The following EPN3 variants were observed in gnomAD, a reference collection of about 807,000 sequenced individuals.
EPN3 encodes the protein epsin 3.
EPN3 carries 56 observed loss-of-function variants against 55.5 expected under a neutral mutation model. The observed-to-expected ratio is 1.01, with a 90% confidence interval of 0.81 to 1.26. EPN3 has a LOEUF of 1.26. Ranked by LOEUF, EPN3 falls within the 50% of genes most tolerant of loss-of-function variation. The pLI is 0.00. For synonymous variants in EPN3, 449 were observed against 375.2 expected (o/e 1.20, Z -2.27); for missense variants, 927 against 853.4 (o/e 1.09, Z -1.07).
chr17:50,541,161 T>C (rs1953093098), intron 7 of EPN3, 68 bp from the exon 8 acceptor site: 1 of 1,605,730 alleles, frequency 6.2e-7, no homozygotes, highest in Non-Finnish European at 8.5e-7. Context: ...ACAGCTTCTC[T>C]GGAAAGGGGT....
At position 50,536,898 on chromosome 17, in the gene EPN3, C is replaced by T. The variant is rs146434318; in HGVS notation, c.342C>T (p.Arg114=). The T allele has an allele frequency of 1.4e-5, 23 of 1,614,156 alleles. No homozygotes were observed. The highest frequency in any genetic ancestry group is 7.7e-5 in the South Asian group (7 of 91,088). The stretch of plus-strand genomic sequence containing the variant: ...TCAAGGACTTCCAGTACATCGACCG[C>T]GACGGCAAGGACCAGGGCGTCAACG... The part of the protein sequence containing the change: ...QTLKDFQYID[R]DGKDQGVNVR... Residue 114 remains arginine, a synonymous_variant, in exon 2 of 10, where the codon CGC becomes CGT. Coordinates refer to ENST00000268933, the MANE Select transcript of EPN3 (RefSeq NM_017957.3).
chr17:50,539,642 C>T (rs1311944381), intron 5 of EPN3, among the ~76,000 whole-genome samples: 3 of 152,190 alleles, frequency 2.0e-5, no homozygotes, highest in African/African-American at 7.2e-5. Flanking sequence ...ATAGTTCCAG[C>T]TCTGACATGC....
At chr17:50,534,327 C>T (rs975400729) in intron 1 of EPN3, 4 of 824,608 alleles carry the variant, frequency 4.9e-6, no homozygotes, top group South Asian at 5.5e-5. Flanking sequence ...GGGCCCACAC[C>T]GAGAGTCCCC....
Position 50,532,867 on chromosome 17 carries a change from C to A in EPN3, c.-255C>A. 3 of 1,285,428 alleles carry A rather than the reference C, an allele frequency of 2.3e-6. No individual in the cohort carries two copies. The highest frequency in any genetic ancestry group is 3.0e-6 in the Non-Finnish European group (3 of 986,894). The allele number at this position is 1,285,428 out of a possible 1,614,324, so 79.6% of individuals were successfully genotyped here. A position where few individuals can be genotyped will look rare whatever the true frequency, so the allele number is the denominator to read the frequency against. On this transcript the variant is annotated 5_prime_UTR_variant, in exon 1 of 10. Transcript: ENST00000268933. ...CAGGTGGGTCTCTGGGACGAGGGTCCATGGTGGATGGCTCTGGAGACGCTC... is the reference window on the plus strand; with the variant it reads ...CAGGTGGGTCTCTGGGACGAGGGTCAATGGTGGATGGCTCTGGAGACGCTC...
At chr17:50,538,410 A>G in intron 3 of EPN3, 1 of 572,136 alleles carries the variant, frequency 1.7e-6, no homozygotes, top group South Asian at 2.2e-5. Context: ...AAGGGTGGCG[A>G]GTGTACAATT....
intron 1 of EPN3, chr17:50,534,571 G>A (rs2034730881): frequency 1.0e-6 from 1 of 985,510 alleles, no homozygotes; most frequent in African/African-American, 1.7e-5. Flanking sequence ...AAGGGGGAGG[G>A]CAGGAGTTAA....
At chr17:50,534,422 C>T in intron 1 of EPN3, 1 of 985,526 alleles carries the variant, frequency 1.0e-6, no homozygotes, top group Non-Finnish European at 1.2e-6. Context: ...AGTCACAGTG[C>T]CCGACTGGTT....
In EPN3 at chr17:50,536,775, C is replaced by T. The variant is rs201344102; in HGVS notation, c.219C>T (p.His73=). The change falls in exon 2 of 10, where the codon CAC becomes CAT. Residue 73 remains histidine, a synonymous_variant. Coordinates refer to ENST00000268933, the MANE Select transcript of EPN3 (RefSeq NM_017957.3). ...ATGACAGCGGCAAGAACTGGCGGCACGTGTACAAGGCTCTAACATTGCTGG... is the reference window on the plus strand; with the variant it reads ...ATGACAGCGGCAAGAACTGGCGGCATGTGTACAAGGCTCTAACATTGCTGG... ...RLNDSGKNWR[H]VYKALTLLDY... 55 of 1,614,158 alleles carry T rather than the reference C, an allele frequency of 3.4e-5. 1 individual carries two copies. In the East Asian group the frequency reaches 3.8e-4, roughly 11 times the overall value.
At chr17:50,534,655 A>AG (rs2144025524) in intron 1 of EPN3, 1 of 985,322 alleles carries the variant, frequency 1.0e-6, no homozygotes, top group East Asian at 1.1e-4. Context: ...GACAAAAGGT[A>AG]GGCTGCGCTG....
At position 50,538,917 on chromosome 17, in the gene EPN3, C is replaced by T; in HGVS notation, c.715C>T (p.Leu239=). The T allele has an allele frequency of 1.2e-6, 2 of 1,608,514 alleles. No homozygotes were observed. Among genetic ancestry groups the T allele is most frequent in the Non-Finnish European group, 1.7e-6 (2 of 1,176,420 alleles). The change falls in exon 4 of 10, where the codon CTG becomes TTG. Residue 239 remains leucine (L), a synonymous_variant. Transcript: ENST00000268933. ...CCCAGCCTCCCACAGGGACGAGGACCTGCAGCTGCAGCTGGCTCTGCGCCT... is the reference window on the plus strand; with the variant it reads ...CCCAGCCTCCCACAGGGACGAGGACTTGCAGCTGCAGCTGGCTCTGCGCCT... The part of the protein sequence containing the change: ...VPPASHRDED[L]QLQLALRLSR...
intron 2 of EPN3, among the ~76,000 whole-genome samples, chr17:50,537,667 G>A (rs367783010): frequency 2.7e-4 from 41 of 152,274 alleles, no homozygotes; most frequent in African/African-American, 8.7e-4. Flanking sequence ...AGAATGGCCC[G>A]CCTTCCATAA....
rs1373774854 is a variant in EPN3, at chr17:50,536,562, G to A, written c.6G>A (p.Thr2=). 5 of 1,613,776 alleles carry A rather than the reference G, an allele frequency of 3.1e-6. No individual in the cohort carries two copies. The highest frequency in any genetic ancestry group is 3.3e-5 in the Admixed American group (2 of 60,022). Residue 2 remains threonine, a synonymous_variant, in exon 2 of 10, where the codon ACG becomes ACA. Transcript: ENST00000268933. ...CCACCTCCAAGTCTCCAGCCATGAC[G>A]ACCTCCGCACTCCGGCGCCAGGTGA... The part of the protein sequence containing the change: M[T]TSALRRQVKN...
chr17:50,532,982 G>A lies in EPN3; in HGVS notation c.-140G>A, dbSNP rs1337581030. 1 of 1,284,596 alleles carries A rather than the reference G, an allele frequency of 7.8e-7. No individual in the cohort carries two copies. The highest frequency in any genetic ancestry group is 1.0e-6 in the Non-Finnish European group (1 of 986,484). 79.6% of individuals were successfully genotyped at this position (1,284,596 alleles called of 1,614,324 possible). On this transcript the variant is annotated 5_prime_UTR_variant, in exon 1 of 10. Transcript: ENST00000268933. ...GGCTGGGGCCGAGGGAGCCCGCACT[G>A]GAGGTAAGCTTCCTCCCTGGCCCCC...
At chr17:50,535,583 G>T (rs1261844450) in intron 1 of EPN3, among the ~76,000 whole-genome samples, 1 of 152,106 alleles carries the variant, frequency 6.6e-6, no homozygotes, top group African/African-American at 2.4e-5. Context: ...TTGTGATCTT[G>T]GATCTCAGCT....
chr17:50,539,687 T>C (rs2034818930), intron 5 of EPN3, among the ~76,000 whole-genome samples: 1 of 152,176 alleles, frequency 6.6e-6, no homozygotes, highest in Non-Finnish European at 1.5e-5. Flanking sequence ...AAGACTAGGG[T>C]TGGCCTAAGC....
rs1004221581 is a variant in EPN3, at chr17:50,532,993, T to TCCTCCCTGGCCC, written c.-137+19_-137+30dup. The TCCTCCCTGGCCC allele has an allele frequency of 2.3e-4, 297 of 1,277,840 alleles. No homozygotes were observed. Among genetic ancestry groups the TCCTCCCTGGCCC allele is most frequent in the Non-Finnish European group, 2.9e-4 (286 of 980,862 alleles). The allele number at this position is 1,277,840 out of a possible 1,614,324, so 79.2% of individuals were successfully genotyped here. ...AGGGAGCCCGCACTGGAGGTAAGCTTCCTCCCTGGCCCCCTCCCTGGCAGT... is the reference window on the plus strand; with the variant it reads ...AGGGAGCCCGCACTGGAGGTAAGCTTCCTCCCTGGCCCCCTCCCTGGCCCCCTCCCTGGCAGT... On this transcript the variant is annotated intron_variant, in intron 1 of 9. Coordinates refer to ENST00000268933, the MANE Select transcript of EPN3 (RefSeq NM_017957.3).
intron 3 of EPN3, 104 bp from the exon 4 acceptor site, chr17:50,538,780 T>C: frequency 1.3e-6 from 1 of 791,822 alleles, no homozygotes; most frequent in Non-Finnish European, 2.0e-6. Flanking sequence ...ACACTGAGGG[T>C]GGGCATTAGT....
intron 3 of EPN3, 182 bp from the exon 4 acceptor site, chr17:50,538,702 T>G: frequency 3.9e-6 from 2 of 515,724 alleles, no homozygotes; most frequent in Non-Finnish European, 3.5e-6. Flanking sequence ...ACCTTTAAAC[T>G]GCATTTCAGA....
At chr17:50,536,234 AAGAT>A (rs927608890) in intron 1 of EPN3, 183 bp from the exon 2 acceptor site, 48 of 363,772 alleles carry the variant, frequency 1.3e-4, no homozygotes, top group African/African-American at 8.1e-4. Context: ...TGTGGCTGTG[AAGAT>A]AGATAGATGA....
Sources: gnomAD v4.1 joint callset for allele counts (sites outside exome capture counted in the v4.1 genomes callset) on GRCh38, gnomAD v4.1.1 for gene constraint, MANE v1.5 for transcripts, NCBI Gene and HGNC (gene_info 2026-07-23, HGNC 2026-07-21) for gene names.